Variants in CNTNAP5 observed in about 807,000 individuals in gnomAD.
CNTNAP5 encodes the protein contactin associated protein family member 5.
A neutral mutation model predicts 150.2 loss-of-function variants in CNTNAP5; 72 were observed. The observed-to-expected ratio is 0.48, with a 90% CI of 0.40 to 0.58. CNTNAP5 has a LOEUF of 0.58. CNTNAP5 is among the 20% of genes least tolerant of loss of function. The pLI is 0.00. For missense variants in CNTNAP5, 1,636 were observed against 1,626.2 expected (o/e 1.01, Z -0.10); for synonymous variants, 672 against 619.8 (o/e 1.08, Z -1.25).
intron 1 of CNTNAP5, among the ~76,000 whole-genome samples, chr2:124,126,896 G>C (rs145159421): frequency 0.061 from 9,309 of 152,196 alleles, 400 homozygotes; most frequent in East Asian, 0.19. Flanking sequence ...ACTAGGTATT[G>C]ATGGGACGTA....
chr2:124,615,162 G>A (rs949075565), intron 12 of CNTNAP5, among the ~76,000 whole-genome samples: 2 of 152,098 alleles, frequency 1.3e-5, no homozygotes, highest in African/African-American at 4.8e-5. Context: ...AGGTTGGGGT[G>A]GCTGCGGCAA....
At chr2:124,207,734 A>C (rs527336865) in intron 1 of CNTNAP5, among the ~76,000 whole-genome samples, 1 of 152,132 alleles carries the variant, frequency 6.6e-6, no homozygotes, top group Non-Finnish European at 1.5e-5. Context: ...AAAATGGGAG[A>C]TATTTAGTGA....
At chr2:124,343,704 A>G (rs1295853364) in intron 3 of CNTNAP5, among the ~76,000 whole-genome samples, 3 of 152,206 alleles carry the variant, frequency 2.0e-5, no homozygotes, top group Non-Finnish European at 4.4e-5. Context: ...ATAAGATACA[A>G]AGAACGTGTT....
intron 1 of CNTNAP5, among the ~76,000 whole-genome samples, chr2:124,161,330 G>A (rs768140463): frequency 8.5e-5 from 13 of 152,102 alleles, no homozygotes; most frequent in Non-Finnish European, 1.8e-4. Flanking sequence ...TGGATATAAG[G>A]AGACTTGGAG....
chr2:124,917,792 G>T lies in CNTNAP5; in HGVS notation c.*3504G>T, dbSNP rs182871615. ...TGTTTTTGCCCTTGGGGAGCTCAAA[G>T]TCTAGCTGGCAAGGCATGTATTGTT... On this transcript the variant is annotated 3_prime_UTR_variant, in exon 24 of 24. Transcript: ENST00000682447. 1.3e-5 allele frequency among the ~76,000 whole-genome samples: 2 copies of T among 152,042 alleles called. No homozygotes were observed. Among genetic ancestry groups the T allele is most frequent in the African/African-American group, 4.8e-5 (2 of 41,422 alleles).
At chr2:124,905,602 C>T (rs1337599716) in intron 22 of CNTNAP5, among the ~76,000 whole-genome samples, 1 of 152,038 alleles carries the variant, frequency 6.6e-6, no homozygotes, top group Non-Finnish European at 1.5e-5. Context: ...AGGTGACAGG[C>T]ATGAGATGAT....
At chr2:124,316,814 AAAAAAAAAAAAAAAG>A (rs1373798180) in intron 3 of CNTNAP5, among the ~76,000 whole-genome samples, 1 of 149,508 alleles carries the variant, frequency 6.7e-6, no homozygotes, top group East Asian at 1.9e-4. Flanking sequence ...CAAAAAAAAA[AAAAAAAAAAAAAAAG>A]AAAAAGAAAA....
At chr2:124,155,075 G>GTTTTT (rs36194209) in intron 1 of CNTNAP5, among the ~76,000 whole-genome samples, 14 of 81,364 alleles carry the variant, frequency 1.7e-4, no homozygotes, top group African/African-American at 5.8e-4. Context: ...AACCATTCCC[G>GTTTTT]TTTTTTTTTT....
chr2:124,387,032 T>A (rs967368990), intron 3 of CNTNAP5, among the ~76,000 whole-genome samples: 1 of 152,202 alleles, frequency 6.6e-6, no homozygotes, highest in African/African-American at 2.4e-5. Context: ...AGAGGACCCT[T>A]ACAAAGAACC....
intron 16 of CNTNAP5, among the ~76,000 whole-genome samples, chr2:124,769,920 T>C (rs2104607792): frequency 6.6e-6 from 1 of 152,232 alleles, no homozygotes; most frequent in South Asian, 2.1e-4. Context: ...GTGAGTCAAT[T>C]AATGAAAAAT....
At chr2:124,187,382 T>A (rs531483007) in intron 1 of CNTNAP5, among the ~76,000 whole-genome samples, 1 of 152,288 alleles carries the variant, frequency 6.6e-6, no homozygotes, top group African/African-American at 2.4e-5. Flanking sequence ...ATCTGCCTGA[T>A]TTCAGTGGTT....
intron 13 of CNTNAP5, among the ~76,000 whole-genome samples, chr2:124,659,539 G>A (rs112362288): frequency 1.8e-4 from 27 of 151,978 alleles, no homozygotes; most frequent in East Asian, 5.8e-4. Context: ...TCTTCTCTGC[G>A]AAATAGCTAA....
intron 1 of CNTNAP5, among the ~76,000 whole-genome samples, chr2:124,031,477 C>T (rs953759949): frequency 5.3e-5 from 8 of 152,056 alleles, no homozygotes; most frequent in South Asian, 4.1e-4. Context: ...TACCAAGAAG[C>T]GGTTAGCTAT....
At chr2:124,430,308 G>C (rs897874546) in intron 4 of CNTNAP5, among the ~76,000 whole-genome samples, 1 of 152,096 alleles carries the variant, frequency 6.6e-6, no homozygotes, top group Non-Finnish European at 1.5e-5. Context: ...TCTTTGTGCC[G>C]TGTTTGTCTT....
intron 3 of CNTNAP5, among the ~76,000 whole-genome samples, chr2:124,243,959 A>G (rs898497940): frequency 5.9e-5 from 9 of 152,108 alleles, no homozygotes; most frequent in African/African-American, 1.9e-4. Context: ...TTGAGGAACA[A>G]TTTTAAGGTT....
At chr2:124,743,397 G>A (rs1459356799) in intron 13 of CNTNAP5, among the ~76,000 whole-genome samples, 9 of 152,246 alleles carry the variant, frequency 5.9e-5, no homozygotes, top group African/African-American at 1.9e-4. Context: ...TTCTAGCTGG[G>A]ACCCAAGTAT....
intron 3 of CNTNAP5, among the ~76,000 whole-genome samples, chr2:124,328,690 GT>G (rs1689277928): frequency 6.6e-6 from 1 of 152,172 alleles, no homozygotes; most frequent in African/African-American, 2.4e-5. Context: ...TTTCTGAACA[GT>G]TCTAATAGGA....
At chr2:124,361,102 G>A (rs1001492595) in intron 3 of CNTNAP5, among the ~76,000 whole-genome samples, 4 of 144,918 alleles carry the variant, frequency 2.8e-5, no homozygotes, top group Admixed American at 6.9e-5. Flanking sequence ...TGATCGCATC[G>A]GCTCCTGAGG....
chr2:124,571,654 T>A (rs557588820), intron 11 of CNTNAP5, among the ~76,000 whole-genome samples: 1 of 148,558 alleles, frequency 6.7e-6, no homozygotes, highest in Non-Finnish European at 1.5e-5. Context: ...TACCTCAGCC[T>A]CCCGAGTAGC....
Sources: allele counts gnomAD v4.1 joint callset (sites outside exome capture counted in the v4.1 genomes callset), GRCh38; gene constraint gnomAD v4.1.1; transcripts MANE v1.5; gene names NCBI Gene and HGNC (gene_info 2026-07-23, HGNC 2026-07-21).